Variants in CPNE5 observed in about 807,000 individuals in gnomAD.
CPNE5 encodes copine 5, also known as copine-5.
In CPNE5, 42 loss-of-function variants were observed where a neutral mutation model predicts 81.1. That is an observed-to-expected ratio of 0.52 (90% CI 0.40 to 0.67). The LOEUF is 0.67. CPNE5 is among the 30% of genes least tolerant of loss of function. The pLI, the probability that CPNE5 is intolerant of heterozygous loss-of-function variation, is 0.00. For synonymous variants in CPNE5, 313 were observed against 321.5 expected, an observed-to-expected ratio of 0.97 and a Z score of 0.28; for missense variants, 612 against 815.5, an observed-to-expected ratio of 0.75 and a Z score of 3.04.
At chr6:36,826,363 C>T (rs1184864923) in intron 1 of CPNE5, among the ~76,000 whole-genome samples, 2 of 152,166 alleles carry the variant, frequency 1.3e-5, no homozygotes. Context: ...GCAACCAGCA[C>T]CCCAGGATAA....
At chr6:36,745,900 A>G (rs1273296868) in intron 16 of CPNE5, among the ~76,000 whole-genome samples, 1 of 152,138 alleles carries the variant, frequency 6.6e-6, no homozygotes, top group Non-Finnish European at 1.5e-5. Flanking sequence ...TTGCACCCTC[A>G]GGCATGGGAG....
At chr6:36,745,648 G>A in intron 16 of CPNE5, 133 bp from the exon 17 acceptor site, 3 of 997,572 alleles carry the variant, frequency 3.0e-6, no homozygotes, top group Non-Finnish European at 4.3e-6. Context: ...GGGGTGGCGG[G>A]GCAGGGGAGG....
At chr6:36,783,789 C>T (rs2150482967) in intron 8 of CPNE5, among the ~76,000 whole-genome samples, 1 of 152,308 alleles carries the variant, frequency 6.6e-6, no homozygotes, top group East Asian at 1.9e-4. Flanking sequence ...GTTGGAATTA[C>T]AGATGTGAGC....
At position 36,798,306 on chromosome 6, in the gene CPNE5, C is replaced by A. The variant is rs1258133757; in HGVS notation, c.328-65G>T. 3.9e-6 allele frequency: 6 copies of A among 1,539,814 alleles called. No homozygotes were observed. In the Admixed American group the frequency reaches 1.0e-4, roughly 27 times the overall value. The stretch of plus-strand genomic sequence containing the variant: ...TCTGCTCACAGCTATCCCACCTCCC[C>A]CATCGCCCAATTCCTGGAAGCGTGA... On this transcript the variant is annotated intron_variant, in intron 5 of 20. Coordinates refer to ENST00000244751, the MANE Select transcript of CPNE5 (RefSeq NM_020939.2).
At chr6:36,757,224 G>A (rs543346240) in intron 12 of CPNE5, 1 of 585,740 alleles carries the variant, frequency 1.7e-6, no homozygotes, top group East Asian at 1.4e-4. Context: ...TTTTAATAAG[G>A]GAAGTCTAGG....
At chr6:36,830,806 C>A (rs548352310) in intron 1 of CPNE5, among the ~76,000 whole-genome samples, 7 of 152,138 alleles carry the variant, frequency 4.6e-5, no homozygotes, top group African/African-American at 1.7e-4. Context: ...CAAACAGAAA[C>A]GTAGGAAGCA....
chr6:36,761,911 G>A (rs1298461272), intron 12 of CPNE5, among the ~76,000 whole-genome samples: 5 of 152,112 alleles, frequency 3.3e-5, no homozygotes, highest in Non-Finnish European at 7.4e-5. Context: ...CCTCACAGAG[G>A]AGCAGGACCT....
At position 36,824,504 on chromosome 6, in the gene CPNE5, G is replaced by A. The variant is rs115510238; in HGVS notation, c.96-1406C>T. Among the ~76,000 whole-genome samples the A allele has an allele frequency of 9.5e-3, 1,441 of 152,202 alleles. 29 individuals carry two copies. Among genetic ancestry groups the A allele is most frequent in the African/African-American group, 0.032 (1,348 of 41,510 alleles). On this transcript the variant is annotated intron_variant, in intron 1 of 20. Coordinates refer to ENST00000244751, the MANE Select transcript of CPNE5 (RefSeq NM_020939.2). Reference sequence around the variant, plus strand: ...TTCCCAACCATCTCAGCCTTGTCCCGCCTCCCTTCCGGAGGTCCCAAAGGA... The same window carrying A: ...TTCCCAACCATCTCAGCCTTGTCCCACCTCCCTTCCGGAGGTCCCAAAGGA...
intron 11 of CPNE5, among the ~76,000 whole-genome samples, chr6:36,763,431 C>T (rs969063101): frequency 1.6e-4 from 24 of 151,920 alleles, no homozygotes; most frequent in Admixed American, 3.3e-4. Context: ...GGTGAAACCC[C>T]GTCTCTATTA....
chr6:36,774,765 C>T (rs1050464770), intron 10 of CPNE5, among the ~76,000 whole-genome samples, 196 bp downstream of exon 10: 3 of 151,998 alleles, frequency 2.0e-5, no homozygotes, highest in African/African-American at 4.8e-5. Context: ...GCAGACATTG[C>T]CGGGTGCAGC....
chr6:36,772,107 G>A (rs1767089847), intron 10 of CPNE5, among the ~76,000 whole-genome samples: 1 of 152,092 alleles, frequency 6.6e-6, no homozygotes, highest in Non-Finnish European at 1.5e-5. Flanking sequence ...GCTGGCTCCT[G>A]CAACCCTGGG....
At chr6:36,839,459 T>A, upstream of CPNE5, 1 of 1,165,454 alleles carries the variant, frequency 8.6e-7, no homozygotes, top group Non-Finnish European at 1.2e-6. This position sits in a 1 kb window ranked among gnomAD's most constrained non-coding sequence, Gnocchi z 7.3. Context: ...CCCTGGGCTC[T>A]CCCCCAACTC....
In CPNE5 at chr6:36,798,260, G is replaced by A; in HGVS notation, c.328-19C>T. The A allele has an allele frequency of 6.2e-7, 1 of 1,609,372 alleles. No individual in the cohort carries two copies. Among genetic ancestry groups the A allele is most frequent in the Non-Finnish European group, 8.5e-7 (1 of 1,176,890 alleles). On this transcript the variant is annotated intron_variant, in intron 5 of 20. Transcript: ENST00000244751. ...GGAAATCCTGCATATCCAGGGAACA[G>A]AAGAGACCAGTGTCACCCACTCTGC...
intron 7 of CPNE5, 158 bp from the exon 8 acceptor site, chr6:36,792,254 G>T (rs945142773): frequency 2.2e-5 from 28 of 1,297,338 alleles, no homozygotes; most frequent in Non-Finnish European, 3.0e-5. Context: ...TGAGATCCTT[G>T]TGGCAGTGTG....
intron 18 of CPNE5, chr6:36,744,534 A>G (rs1763911041): frequency 3.4e-6 from 2 of 594,870 alleles, no homozygotes; most frequent in Non-Finnish European, 6.0e-6. Context: ...CGCCTGGAGG[A>G]GAGAGGGAGG....
chr6:36,783,832 A>T (rs561528556), intron 8 of CPNE5, among the ~76,000 whole-genome samples: 90 of 152,308 alleles, frequency 5.9e-4, no homozygotes, highest in Non-Finnish European at 9.0e-4. Context: ...CATTTTAAAG[A>T]TGAGGAAACC....
At position 36,740,945 on chromosome 6, in the gene CPNE5, TG is replaced by T; in HGVS notation, c.*1322del. On this transcript the variant is annotated 3_prime_UTR_variant, in exon 21 of 21. Coordinates refer to ENST00000244751, the MANE Select transcript of CPNE5 (RefSeq NM_020939.2). ...CCTGCACCAGGCACGGAGAGGTCAG[TG>T]GGCTGAGGAGCTCCATGCGGCAACA... The T allele has an allele frequency of 6.6e-6, 1 of 152,522 alleles. No individual in the cohort carries two copies. Among genetic ancestry groups the T allele is most frequent in the East Asian group, 1.9e-4 (1 of 5,174 alleles). 9.4% of individuals were successfully genotyped at this position (152,522 alleles called of 1,614,324 possible). A position where few individuals can be genotyped will look rare whatever the true frequency, so the allele number is the denominator to read the frequency against.
chr6:36,761,949 A>G (rs1354973947), intron 12 of CPNE5, among the ~76,000 whole-genome samples: 1 of 151,876 alleles, frequency 6.6e-6, no homozygotes, highest in Non-Finnish European at 1.5e-5. Flanking sequence ...TGGGGAGGGA[A>G]TTGCAAAAGG....
intron 18 of CPNE5, 120 bp downstream of exon 18, chr6:36,744,928 G>A (rs1021106214): frequency 1.3e-5 from 9 of 710,406 alleles, no homozygotes; most frequent in East Asian, 5.4e-5. Flanking sequence ...GAGAAGCCAC[G>A]CCCAAGTCAT....
Sources: gnomAD v4.1 joint callset for allele counts (sites outside exome capture counted in the v4.1 genomes callset) on GRCh38, gnomAD v4.1.1 for gene constraint, Gnocchi (gnomAD v3.1) non-coding constraint, MANE v1.5 for transcripts, NCBI Gene and HGNC (gene_info 2026-07-23, HGNC 2026-07-21) for gene names.